CTNND2: variants seen among roughly 807,000 people sequenced by gnomAD.
CTNND2 encodes the protein catenin delta-2.
Under a neutral mutation model 144.4 loss-of-function variants are expected in CTNND2, and 22 were observed. The ratio of observed to expected loss-of-function variants is 0.15; its 90% CI spans 0.11 to 0.22. The LOEUF (loss-of-function observed/expected upper bound fraction) is 0.22. CTNND2 is among the 10% of genes least tolerant of loss of function. The pLI is 1.00. For missense variants in CTNND2, 1,353 were observed against 1,618.8 expected (o/e 0.84, Z 2.82); for synonymous variants, 751 against 695.6 (o/e 1.08, Z -1.25).
At chr5:11,393,373 G>T (rs902465553) in intron 6 of CTNND2, among the ~76,000 whole-genome samples, 26 of 152,174 alleles carry the variant, frequency 1.7e-4, no homozygotes, top group Non-Finnish European at 3.1e-4. Context: ...CTTTAGGCTT[G>T]TGTACTCCTT....
At chr5:11,211,586 G>C (rs552038815) in intron 10 of CTNND2, among the ~76,000 whole-genome samples, 1 of 152,226 alleles carries the variant, frequency 6.6e-6, no homozygotes, top group Non-Finnish European at 1.5e-5. Flanking sequence ...TAATAAATGA[G>C]TGTGTTGATA....
intron 9 of CTNND2, among the ~76,000 whole-genome samples, chr5:11,306,406 C>T (rs954041478): frequency 6.6e-6 from 1 of 152,334 alleles, no homozygotes. Flanking sequence ...CTGCTTCCAT[C>T]AAGGCTGTTA....
chr5:11,196,087 T>A (rs1736832016), intron 11 of CTNND2, among the ~76,000 whole-genome samples: 1 of 152,220 alleles, frequency 6.6e-6, no homozygotes, highest in Non-Finnish European at 1.5e-5. Context: ...CAATTTTAAC[T>A]CTTTATCATT....
At chr5:11,505,277 C>T (rs186625076) in intron 3 of CTNND2, among the ~76,000 whole-genome samples, 95 of 151,308 alleles carry the variant, frequency 6.3e-4, no homozygotes, top group Non-Finnish European at 1.0e-3. Flanking sequence ...TCTTTAAAGA[C>T]GCCAAAACTA....
chr5:11,330,294 A>G (rs1238926671), intron 9 of CTNND2, among the ~76,000 whole-genome samples: 8 of 131,368 alleles, frequency 6.1e-5, no homozygotes, highest in Non-Finnish European at 8.0e-5. Flanking sequence ...ACATGGTGAA[A>G]CCCCGTCTCT....
intron 10 of CTNND2, among the ~76,000 whole-genome samples, chr5:11,205,048 C>T (rs922003157): frequency 6.6e-6 from 1 of 152,156 alleles, no homozygotes; most frequent in African/African-American, 2.4e-5. Flanking sequence ...TGCTGCTATT[C>T]CTCTCAGGAA....
intron 6 of CTNND2, among the ~76,000 whole-genome samples, chr5:11,391,970 T>A (rs970982419): frequency 3.3e-5 from 5 of 152,272 alleles, no homozygotes; most frequent in Middle Eastern, 3.4e-3. Flanking sequence ...AAAAGGACCA[T>A]AAAAGCAACT....
chr5:11,536,925 T>C (rs971564957), intron 3 of CTNND2, among the ~76,000 whole-genome samples: 2 of 152,096 alleles, frequency 1.3e-5, no homozygotes, highest in African/African-American at 4.8e-5. Context: ...ATGCATTTAA[T>C]ATGTTAGAGC....
At chr5:11,246,269 C>A (rs921121571) in intron 9 of CTNND2, among the ~76,000 whole-genome samples, 1 of 152,142 alleles carries the variant, frequency 6.6e-6, no homozygotes, top group African/African-American at 2.4e-5. Flanking sequence ...GAATTCATGT[C>A]CTCCTGGAAC....
intron 3 of CTNND2, among the ~76,000 whole-genome samples, chr5:11,551,912 T>C (rs1775798746): frequency 6.6e-6 from 1 of 152,044 alleles, no homozygotes; most frequent in African/African-American, 2.4e-5. Flanking sequence ...TTTTCAAATT[T>C]TGGATAGAGA....
Position 11,854,407 on chromosome 5 carries a change from C to T in CTNND2, c.37+49410G>A, listed in dbSNP as rs1795158996. Among the ~76,000 whole-genome samples the T allele has an allele frequency of 2.6e-5, 4 of 152,144 alleles. No individual in the cohort carries two copies. In the South Asian group the frequency reaches 8.3e-4, roughly 32 times the overall value. On this transcript the variant is annotated intron_variant, in intron 1 of 21. Transcript: ENST00000304623. ...TGTCACCCTCCCAAACAGCTGGGCACCGAATCCTAGCCAAGCAGACACTTA... is the reference window on the plus strand; with the variant it reads ...TGTCACCCTCCCAAACAGCTGGGCATCGAATCCTAGCCAAGCAGACACTTA...
At position 11,053,263 on chromosome 5, in the gene CTNND2, T is replaced by C. The variant is rs1361358605; in HGVS notation, c.2788+29433A>G. Among the ~76,000 whole-genome samples the C allele has an allele frequency of 2.0e-5, 3 of 152,178 alleles. No homozygotes were observed. In the East Asian group the frequency reaches 5.8e-4, roughly 29 times the overall value. Reference sequence around the variant, plus strand: ...GCAGAGGCAAGCTTATCAGAGAAGTTTGAGACAAAAATAAAAAGTTTACGT... The same window carrying C: ...GCAGAGGCAAGCTTATCAGAGAAGTCTGAGACAAAAATAAAAAGTTTACGT... On this transcript the variant is annotated intron_variant, in intron 16 of 21. Coordinates refer to ENST00000304623, the MANE Select transcript of CTNND2 (RefSeq NM_001332.4).
chr5:11,901,930 A>G (rs1204684798), intron 1 of CTNND2, among the ~76,000 whole-genome samples: 2 of 152,252 alleles, frequency 1.3e-5, no homozygotes. Context: ...TTTTGAAAGA[A>G]ATTTTATATT....
At position 11,551,990 on chromosome 5, in the gene CTNND2, G is replaced by C. The variant is rs942849619; in HGVS notation, c.287+12954C>G. 3.9e-5 allele frequency among the ~76,000 whole-genome samples: 6 copies of C among 151,932 alleles called. No individual in the cohort carries two copies. The South Asian group carries it at 1.2e-3, about 31-fold the overall frequency. On this transcript the variant is annotated intron_variant, in intron 3 of 21. Coordinates refer to ENST00000304623, the MANE Select transcript of CTNND2 (RefSeq NM_001332.4). ...CCTCAAGTGATCCCCCTGGCCTCAAGTGATCCTGGCCTCAAGTGATCCCCT... is the reference window on the plus strand; with the variant it reads ...CCTCAAGTGATCCCCCTGGCCTCAACTGATCCTGGCCTCAAGTGATCCCCT...
chr5:11,874,353 C>T (rs2038358636), intron 1 of CTNND2, among the ~76,000 whole-genome samples: 1 of 152,138 alleles, frequency 6.6e-6, no homozygotes, highest in Admixed American at 6.5e-5. Context: ...CCTCTATATA[C>T]ACTAGGTTTT....
chr5:11,862,447 T>C (rs1795546598), intron 1 of CTNND2, among the ~76,000 whole-genome samples: 1 of 152,208 alleles, frequency 6.6e-6, no homozygotes, highest in South Asian at 2.1e-4. Flanking sequence ...GAAGGCACCA[T>C]GGTTTTGAAA....
At chr5:11,108,118 G>A (rs1309702613) in intron 14 of CTNND2, among the ~76,000 whole-genome samples, 1 of 152,178 alleles carries the variant, frequency 6.6e-6, no homozygotes, top group Non-Finnish European at 1.5e-5. Flanking sequence ...TTGTTTACTT[G>A]AAAGAAGTCT....
chr5:11,556,401 T>C (rs1379753935), intron 3 of CTNND2, among the ~76,000 whole-genome samples: 1 of 152,178 alleles, frequency 6.6e-6, no homozygotes, highest in Non-Finnish European at 1.5e-5. Context: ...ATGTCTTACT[T>C]TGTGAAACAA....
chr5:11,090,541 C>A (rs574606723), intron 15 of CTNND2, among the ~76,000 whole-genome samples: 1 of 152,290 alleles, frequency 6.6e-6, no homozygotes, highest in South Asian at 2.1e-4. Flanking sequence ...GGAGCACAAA[C>A]CCTATTGTGA....
Sources: allele counts gnomAD v4.1 joint callset (sites outside exome capture counted in the v4.1 genomes callset), GRCh38; gene constraint gnomAD v4.1.1; transcripts MANE v1.5; gene names NCBI Gene and HGNC (gene_info 2026-07-23, HGNC 2026-07-21).